Variants in NSMCE2 observed in about 807,000 individuals in gnomAD.
The protein encoded by NSMCE2 is E3 SUMO-protein ligase NSE2.
Under a neutral mutation model 23.8 loss-of-function variants are expected in NSMCE2, and 24 were observed. That is an observed-to-expected ratio of 1.01 (90% CI 0.73 to 1.42). The LOEUF (loss-of-function observed/expected upper bound fraction) is 1.42. Among genes scored for constraint, NSMCE2 ranks in the 40% most tolerant of loss-of-function variants. The probability of loss-of-function intolerance (pLI) is 0.00; values close to 1 mark genes in which losing one functional copy is unlikely to be tolerated. For synonymous variants in NSMCE2, 92 were observed against 94.1 expected (o/e 0.98, Z 0.13); for missense variants, 284 against 296.5 (o/e 0.96, Z 0.31).
chr8:125,125,955 A>G (rs7461756), intron 3 of NSMCE2, among the ~76,000 whole-genome samples: 31,530 of 151,948 alleles, frequency 0.21, 4,163 homozygotes, highest in African/African-American at 0.37. Context: ...TTTTGTAACG[A>G]GCAGTAAACT....
chr8:125,364,389 C>T (rs946062355), intron 7 of NSMCE2, among the ~76,000 whole-genome samples: 1 of 152,232 alleles, frequency 6.6e-6, no homozygotes, highest in African/African-American at 2.4e-5. Context: ...CTTCCTACCA[C>T]TAGACAAATT....
At chr8:125,255,162 T>A (rs1586676529) in intron 5 of NSMCE2, among the ~76,000 whole-genome samples, 2 of 151,928 alleles carry the variant, frequency 1.3e-5, no homozygotes, top group South Asian at 4.2e-4. Context: ...GAATGAGCCA[T>A]CTTGGAGGTG....
intron 5 of NSMCE2, among the ~76,000 whole-genome samples, chr8:125,243,799 A>G (rs1014068751): frequency 1.3e-5 from 2 of 152,196 alleles, no homozygotes; most frequent in South Asian, 2.1e-4. Context: ...GCTAAAAATA[A>G]TGGAGCATCC....
chr8:125,110,441 G>A (rs1818675336), intron 3 of NSMCE2, among the ~76,000 whole-genome samples: 2 of 152,206 alleles, frequency 1.3e-5, no homozygotes, highest in South Asian at 4.1e-4. Context: ...TGGTGATGAT[G>A]ATGAATTTGT....
At chr8:125,114,981 T>A (rs1236070520) in intron 3 of NSMCE2, among the ~76,000 whole-genome samples, 4 of 152,352 alleles carry the variant, frequency 2.6e-5, no homozygotes, top group African/African-American at 9.6e-5. Flanking sequence ...CCTTATATTT[T>A]ATGTTTCTTT....
intron 3 of NSMCE2, among the ~76,000 whole-genome samples, chr8:125,117,032 C>T (rs1215948260): frequency 6.6e-6 from 1 of 151,700 alleles, no homozygotes; most frequent in Non-Finnish European, 1.5e-5. Flanking sequence ...GGACTACAGG[C>T]GCTCTCCTCT....
chr8:125,132,420 G>A (rs558991524), intron 3 of NSMCE2, among the ~76,000 whole-genome samples: 7 of 152,082 alleles, frequency 4.6e-5, no homozygotes, highest in Middle Eastern at 3.2e-3. Flanking sequence ...TCTCTAGGAA[G>A]CAGTGTGATA....
chr8:125,231,312 A>G (rs1236837353), intron 5 of NSMCE2, among the ~76,000 whole-genome samples: 1 of 152,184 alleles, frequency 6.6e-6, no homozygotes, highest in Non-Finnish European at 1.5e-5. Flanking sequence ...CAAGACAATG[A>G]CTTGTCTTCA....
At chr8:125,173,290 TGGG>T (rs1181333014) in intron 4 of NSMCE2, among the ~76,000 whole-genome samples, 1 of 152,126 alleles carries the variant, frequency 6.6e-6, no homozygotes, top group East Asian at 1.9e-4. Context: ...GTCGCAGTGA[TGGG>T]GGAATTGCAA....
chr8:125,298,018 T>TGG (rs1343969229), intron 5 of NSMCE2, among the ~76,000 whole-genome samples: 1 of 152,098 alleles, frequency 6.6e-6, no homozygotes, highest in Non-Finnish European at 1.5e-5. Context: ...CCCAGCACAT[T>TGG]GGGAGGCTTA....
intron 4 of NSMCE2, among the ~76,000 whole-genome samples, chr8:125,158,160 T>C (rs1821421676): frequency 6.6e-6 from 1 of 152,186 alleles, no homozygotes; most frequent in South Asian, 2.1e-4. Context: ...CAGCACTTTG[T>C]GGCAGAGTTT....
chr8:125,093,268 C>T (rs1199999444), intron 1 of NSMCE2, among the ~76,000 whole-genome samples: 1 of 152,160 alleles, frequency 6.6e-6, no homozygotes. Flanking sequence ...GAAAGTGGGC[C>T]TCATCACCTC....
At chr8:125,356,625 C>A (rs1813294259) in intron 5 of NSMCE2, among the ~76,000 whole-genome samples, 1 of 152,044 alleles carries the variant, frequency 6.6e-6, no homozygotes, top group Non-Finnish European at 1.5e-5. Flanking sequence ...CCGCAACCGG[C>A]CTTATTGTTA....
At chr8:125,257,398 C>T (rs1826479691) in intron 5 of NSMCE2, among the ~76,000 whole-genome samples, 1 of 151,540 alleles carries the variant, frequency 6.6e-6, no homozygotes, top group African/African-American at 2.4e-5. Context: ...TCTCAGAAAC[C>T]AAAGTCAGAG....
At chr8:125,261,956 G>T (rs1378638186) in intron 5 of NSMCE2, among the ~76,000 whole-genome samples, 1 of 151,836 alleles carries the variant, frequency 6.6e-6, no homozygotes, top group African/African-American at 2.4e-5. Context: ...AATTAGCCAG[G>T]TGTGGTGGCG....
chr8:125,235,731 T>A (rs984763207), intron 5 of NSMCE2, among the ~76,000 whole-genome samples: 1 of 152,236 alleles, frequency 6.6e-6, no homozygotes, highest in Non-Finnish European at 1.5e-5. Flanking sequence ...TTCATACACA[T>A]CTTATCTTCC....
chr8:125,107,381 A>G (rs555809276), intron 3 of NSMCE2, among the ~76,000 whole-genome samples: 207 of 151,854 alleles, frequency 1.4e-3, no homozygotes, highest in African/African-American at 4.2e-3. Flanking sequence ...TTTAGTGGAG[A>G]CGGGGTTTCA....
intron 5 of NSMCE2, among the ~76,000 whole-genome samples, chr8:125,316,408 G>A (rs1172166540): frequency 2.0e-5 from 3 of 152,290 alleles, no homozygotes; most frequent in East Asian, 3.9e-4. Context: ...TGTATGATAA[G>A]GTACAAAGTC....
chr8:125,334,600 G>A (rs569177904), intron 5 of NSMCE2, among the ~76,000 whole-genome samples: 2 of 152,084 alleles, frequency 1.3e-5, no homozygotes, highest in African/African-American at 4.8e-5. Context: ...TTTTCTCACG[G>A]GTTGGAATGT....
Sources: allele counts gnomAD v4.1 joint callset (sites outside exome capture counted in the v4.1 genomes callset), GRCh38; gene constraint gnomAD v4.1.1; transcripts MANE v1.5; gene names NCBI Gene and HGNC (gene_info 2026-07-23, HGNC 2026-07-21).